Variants in FSHR observed in about 807,000 individuals in gnomAD.
FSHR encodes the protein follicle-stimulating hormone receptor.
A neutral mutation model predicts 52.1 loss-of-function variants in FSHR; 46 were observed. The ratio of observed to expected loss-of-function variants is 0.88; its 90% CI spans 0.70 to 1.13. The LOEUF is 1.13. FSHR is among the 50% of genes most tolerant of loss of function. The pLI, the probability that FSHR is intolerant of heterozygous loss-of-function variation, is 0.00. For missense variants in FSHR, 964 were observed against 834.6 expected (o/e 1.16, Z -1.91); for synonymous variants, 399 against 309.6 (o/e 1.29, Z -3.03).
chr2:49,061,266 A>G (rs141465697), intron 2 of FSHR, among the ~76,000 whole-genome samples: 1 of 152,230 alleles, frequency 6.6e-6, no homozygotes, highest in East Asian at 1.9e-4. Flanking sequence ...CTGCCCCCAT[A>G]GCTGCTGTGA....
chr2:49,013,975 T>C (rs1667392189), intron 4 of FSHR, among the ~76,000 whole-genome samples: 1 of 152,106 alleles, frequency 6.6e-6, no homozygotes. Flanking sequence ...TAAGGCCATG[T>C]GCATATACAT....
At chr2:48,996,017 G>A (rs539931898) in intron 4 of FSHR, among the ~76,000 whole-genome samples, 18 of 152,134 alleles carry the variant, frequency 1.2e-4, no homozygotes, top group African/African-American at 4.1e-4. Context: ...TAAGAGAGAG[G>A]ATGCTGCCAG....
chr2:49,014,739 G>T, intron 4 of FSHR: 4 of 269,634 alleles, frequency 1.5e-5, no homozygotes, highest in South Asian at 3.6e-5. Context: ...TATTATCATG[G>T]GCTAGGGATA....
At chr2:49,037,160 A>G (rs2104271210) in intron 2 of FSHR, among the ~76,000 whole-genome samples, 1 of 152,330 alleles carries the variant, frequency 6.6e-6, no homozygotes, top group Middle Eastern at 3.4e-3. Context: ...TCAAAGCAGT[A>G]TCCTGAGGCC....
chr2:49,079,470 G>A (rs533001677), intron 1 of FSHR, among the ~76,000 whole-genome samples: 211 of 152,136 alleles, frequency 1.4e-3, no homozygotes, highest in African/African-American at 4.7e-3. Flanking sequence ...CAAGATTGAG[G>A]GGATTGGCAT....
intron 1 of FSHR, among the ~76,000 whole-genome samples, chr2:49,127,822 T>TC (rs1672087719): frequency 3.1e-5 from 2 of 63,676 alleles, no homozygotes; most frequent in African/African-American, 7.5e-5. Context: ...TTCTTCTTCT[T>TC]CTTCTTCCTC....
intron 2 of FSHR, among the ~76,000 whole-genome samples, chr2:49,021,469 G>A (rs1667694202): frequency 6.6e-6 from 1 of 152,194 alleles, no homozygotes; most frequent in South Asian, 2.1e-4. Flanking sequence ...ACTGGCTGGG[G>A]TAGAAGTGCT....
chr2:49,013,485 AATATATATATAT>A (rs1194815128), intron 4 of FSHR, among the ~76,000 whole-genome samples: 8 of 95,732 alleles, frequency 8.4e-5, no homozygotes, highest in African/African-American at 2.7e-4. Context: ...TATATAAATA[AATATATATATAT>A]ATAAATATAT....
At chr2:49,081,026 A>G (rs1046454840) in intron 1 of FSHR, among the ~76,000 whole-genome samples, 7 of 152,128 alleles carry the variant, frequency 4.6e-5, no homozygotes, top group Non-Finnish European at 8.8e-5. Flanking sequence ...TGGAAAGACA[A>G]TAAGAGTTTT....
rs556205707 is a variant in FSHR at position 49,002,864 on chromosome 2, C to T, written c.375-12227G>A. ...CTCCTGTAAAGAAAAGAGCTTATCC[C>T]TGATGTCTTGCTAAGTGAATCTGTG... On this transcript the variant is annotated intron_variant, in intron 4 of 9. Coordinates refer to ENST00000406846, the MANE Select transcript of FSHR (RefSeq NM_000145.4). Among the ~76,000 whole-genome samples, 57 of 152,240 alleles carry T rather than the reference C, an allele frequency of 3.7e-4. 2 individuals are homozygous for T. In the South Asian group the frequency reaches 0.011, roughly 30 times the overall value.
At chr2:49,066,226 C>G (rs1029447462) in intron 2 of FSHR, among the ~76,000 whole-genome samples, 9 of 151,970 alleles carry the variant, frequency 5.9e-5, no homozygotes, top group African/African-American at 2.2e-4. Context: ...TTTATTCTTT[C>G]CAACATGGAT....
intron 9 of FSHR, among the ~76,000 whole-genome samples, chr2:48,967,524 T>C (rs1674532410): frequency 6.6e-6 from 1 of 152,220 alleles, no homozygotes; most frequent in Non-Finnish European, 1.5e-5. Flanking sequence ...AGCCACTGCT[T>C]CAGCCCAGGA....
intron 3 of FSHR, among the ~76,000 whole-genome samples, chr2:49,018,248 C>T (rs1667560372): frequency 6.6e-6 from 1 of 152,134 alleles, no homozygotes; most frequent in Admixed American, 6.6e-5. Flanking sequence ...GACTTCTGCC[C>T]TATTTTGGCT....
intron 1 of FSHR, among the ~76,000 whole-genome samples, chr2:49,149,427 A>G (rs1672982475): frequency 6.6e-6 from 1 of 152,072 alleles, no homozygotes; most frequent in African/African-American, 2.4e-5. Flanking sequence ...CTGAGAGTCA[A>G]GAGGCCTGGG....
At chr2:49,045,950 T>C (rs2104291889) in intron 2 of FSHR, among the ~76,000 whole-genome samples, 1 of 152,290 alleles carries the variant, frequency 6.6e-6, no homozygotes, top group East Asian at 1.9e-4. Context: ...TTTCTTTTAA[T>C]AGATGACAGG....
At chr2:49,096,736 A>G (rs1670833727) in intron 1 of FSHR, among the ~76,000 whole-genome samples, 1 of 152,174 alleles carries the variant, frequency 6.6e-6, no homozygotes, top group Non-Finnish European at 1.5e-5. Context: ...TGTAATCCCC[A>G]GTATTGGAGA....
At chr2:49,081,559 A>T (rs1394840916) in intron 1 of FSHR, among the ~76,000 whole-genome samples, 1 of 152,196 alleles carries the variant, frequency 6.6e-6, no homozygotes, top group East Asian at 1.9e-4. Context: ...AGCTATTTAA[A>T]AGTATCATCA....
intron 1 of FSHR, among the ~76,000 whole-genome samples, chr2:49,108,480 T>C (rs1156436738): frequency 6.6e-6 from 1 of 152,160 alleles, no homozygotes; most frequent in African/African-American, 2.4e-5. Flanking sequence ...CTCCTTATTT[T>C]TCCCTACTCT....
chr2:49,056,554 A>G (rs79612943), intron 2 of FSHR, among the ~76,000 whole-genome samples: 9,052 of 151,362 alleles, frequency 0.06, 327 homozygotes, highest in African/African-American at 0.08. Context: ...ATAGACCGCA[A>G]TACATTAGTA....
Sources: gnomAD v4.1 joint callset for allele counts (sites outside exome capture counted in the v4.1 genomes callset) on GRCh38, gnomAD v4.1.1 for gene constraint, MANE v1.5 for transcripts, NCBI Gene and HGNC (gene_info 2026-07-23, HGNC 2026-07-21) for gene names.